The following UGT1A5 variants were observed in gnomAD, a reference collection of about 807,000 sequenced individuals.
The protein encoded by UGT1A5 is UDP-glucuronosyltransferase 1A5.
UGT1A5 carries 29 observed loss-of-function variants against 40.3 expected under a neutral mutation model. That is an observed-to-expected ratio of 0.72 (90% CI 0.54 to 0.98). The LOEUF is 0.98. Among genes scored for constraint, UGT1A5 ranks in the 50% least tolerant of loss-of-function variants. The pLI is 0.00. For missense variants in UGT1A5, 678 were observed against 677.9 expected, an observed-to-expected ratio of 1.00 and a Z score of 0.00; for synonymous variants, 257 against 262.5, an observed-to-expected ratio of 0.98 and a Z score of 0.20.
Position 233,713,474 on chromosome 2 carries a change from G to A in UGT1A5, c.483G>A (p.Leu161=). 6.2e-7 allele frequency: 1 copy of A among 1,614,060 alleles called. No homozygotes were observed. The highest frequency in any genetic ancestry group is 1.1e-5 in the South Asian group (1 of 91,082). ...CCTTTCACCTCTGCGCGGCGGTGCT[G>A]GCTAAGTACCTGTCGATTCCTGCTG... ...TDPFHLCAAV[L]AKYLSIPAVF... The change falls in exon 1 of 5, where the codon CTG becomes CTA. Residue 161 remains leucine (L), a synonymous_variant. Transcript: ENST00000373414.
At chr2:233,747,014 C>T (rs774665109) in intron 1 of UGT1A5, among the ~76,000 whole-genome samples, 7 of 151,838 alleles carry the variant, frequency 4.6e-5, no homozygotes, top group Non-Finnish European at 1.0e-4. Context: ...TAGGAGTGAT[C>T]GGTCTTTCCC....
chr2:233,731,416 C>G (rs1172446293), intron 1 of UGT1A5, among the ~76,000 whole-genome samples: 1 of 151,828 alleles, frequency 6.6e-6, no homozygotes, highest in Admixed American at 6.6e-5. Flanking sequence ...GGTATTTTTC[C>G]TAATGCCATC....
At chr2:233,717,819 G>A (rs1272526247) in intron 1 of UGT1A5, 4 of 455,464 alleles carry the variant, frequency 8.8e-6, no homozygotes, top group East Asian at 6.9e-5. Flanking sequence ...TATGCAGCCC[G>A]TTCTGTTCTG....
At chr2:233,756,070 G>A (rs1207859334) in intron 1 of UGT1A5, 1 of 152,196 alleles carries the variant, frequency 6.6e-6, no homozygotes, top group African/African-American at 2.4e-5. Flanking sequence ...GTGGGAGAAT[G>A]ACAATGAGAA....
At chr2:233,764,575 ACT>A (rs1417974721) in intron 1 of UGT1A5, among the ~76,000 whole-genome samples, 4 of 152,070 alleles carry the variant, frequency 2.6e-5, no homozygotes, top group African/African-American at 9.7e-5. Context: ...GAGAACTTAG[ACT>A]CGGCCTTTTC....
intron 1 of UGT1A5, among the ~76,000 whole-genome samples, chr2:233,725,530 A>T (rs1438339071): frequency 6.6e-6 from 1 of 152,162 alleles, no homozygotes; most frequent in African/African-American, 2.4e-5. Context: ...TTGTTTAACC[A>T]GACATATCAC....
chr2:233,763,329 T>A (rs752568926), intron 1 of UGT1A5, among the ~76,000 whole-genome samples: 30 of 152,234 alleles, frequency 2.0e-4, no homozygotes, highest in Non-Finnish European at 3.5e-4. Context: ...ATTATTTTTG[T>A]TTACATTTCC....
At chr2:233,737,138 G>A (rs1186912259) in intron 1 of UGT1A5, among the ~76,000 whole-genome samples, 2 of 152,230 alleles carry the variant, frequency 1.3e-5, no homozygotes, top group African/African-American at 4.8e-5. Flanking sequence ...GCTGCCTTTT[G>A]TTCAGATATG....
intron 1 of UGT1A5, among the ~76,000 whole-genome samples, chr2:233,734,879 CAGTT>C (rs1435181219): frequency 6.6e-6 from 1 of 152,150 alleles, no homozygotes; most frequent in Non-Finnish European, 1.5e-5. Flanking sequence ...GTCTGAGAGA[CAGTT>C]TGTTGTGATT....
chr2:233,745,551 C>G (rs548824716), intron 1 of UGT1A5, among the ~76,000 whole-genome samples: 2 of 151,716 alleles, frequency 1.3e-5, no homozygotes, highest in Admixed American at 6.5e-5. Context: ...GAACAAACTT[C>G]TAAGTTTATA....
intron 1 of UGT1A5, chr2:233,719,598 G>A (rs759062689): frequency 3.1e-6 from 5 of 1,613,992 alleles, no homozygotes; most frequent in Non-Finnish European, 2.5e-6. Flanking sequence ...GTTCCGAGGG[G>A]ACTTTGTGAT....
intron 1 of UGT1A5, among the ~76,000 whole-genome samples, chr2:233,750,424 A>T (rs1378744629): frequency 2.6e-5 from 4 of 151,872 alleles, no homozygotes; most frequent in Non-Finnish European, 5.9e-5. Context: ...GAAAAGAAAA[A>T]CCCATTTTAT....
intron 1 of UGT1A5, chr2:233,729,232 A>G: frequency 6.2e-7 from 1 of 1,614,202 alleles, no homozygotes. Flanking sequence ...GGTGGTGCCC[A>G]TTGATGGCAG....
At chr2:233,719,159 T>A (rs28898610) in intron 1 of UGT1A5, 4 of 1,614,122 alleles carry the variant, frequency 2.5e-6, no homozygotes, top group Non-Finnish European at 3.4e-6. Context: ...ATTCTAGAAG[T>A]ATGGCAATTA....
At chr2:233,750,156 T>C (rs953586925) in intron 1 of UGT1A5, among the ~76,000 whole-genome samples, 2 of 151,902 alleles carry the variant, frequency 1.3e-5, no homozygotes, top group Non-Finnish European at 2.9e-5. Flanking sequence ...ACTTGTTGAA[T>C]GGTTTTGACC....
At chr2:233,743,076 G>T (rs1054800) in intron 1 of UGT1A5, 5 of 344,584 alleles carry the variant, frequency 1.5e-5, no homozygotes, top group Non-Finnish European at 2.8e-5. Context: ...GTGTTGGCAT[G>T]AAGTGTTTAT....
chr2:233,757,895 TC>T (rs374634919), intron 1 of UGT1A5, among the ~76,000 whole-genome samples: 2 of 152,016 alleles, frequency 1.3e-5, no homozygotes, highest in Non-Finnish European at 2.9e-5. Context: ...AGAAACACTT[TC>T]CATGGACGTG....
chr2:233,742,316 T>C lies in UGT1A5; in HGVS notation c.868-24718T>C, dbSNP rs962081179. On this transcript the variant is annotated intron_variant, in intron 1 of 4. Coordinates refer to ENST00000373414, the MANE Select transcript of UGT1A5 (RefSeq NM_019078.2). ...TTATAGATTAACTAAAAGTATTCCT[T>C]ACGGGAAACAAAGGGATGGGCTCTG... Among the ~76,000 whole-genome samples, 12 of 151,968 alleles carry C rather than the reference T, an allele frequency of 7.9e-5. 1 individual carries two copies. Among genetic ancestry groups the C allele is most frequent in the Admixed American group, 3.3e-4 (5 of 15,280 alleles).
chr2:233,767,880 C>G lies in UGT1A5; in HGVS notation c.1031C>G (p.Ser344Trp), dbSNP rs144978321. Reference sequence around the variant, plus strand: ...TGGCGGTACACTGGAACCCGACCATCGAATCTTGCGAACAACACGATACTT... The same window carrying G: ...TGGCGGTACACTGGAACCCGACCATGGAATCTTGCGAACAACACGATACTT... Reference protein sequence around the residue: ...VLWRYTGTRPSNLANNTILVK... With the variant: ...VLWRYTGTRPWNLANNTILVK... Residue 344 changes from serine to tryptophan, a missense_variant, in exon 3 of 5, where the codon TCG becomes TGG. By Grantham distance (177) the Ser-to-Trp change is radical. Transcript: ENST00000373414. 6.2e-7 allele frequency: 1 copy of G among 1,614,168 alleles called. No individual in the cohort carries two copies. The highest frequency in any genetic ancestry group is 1.7e-5 in the Admixed American group (1 of 60,018).
Sources: gnomAD v4.1 joint callset for allele counts (sites outside exome capture counted in the v4.1 genomes callset) on GRCh38, gnomAD v4.1.1 for gene constraint, MANE v1.5 for transcripts, NCBI Gene and HGNC (gene_info 2026-07-23, HGNC 2026-07-21) for gene names.